DDX50: variants seen among roughly 807,000 people sequenced by gnomAD.
DDX50 encodes the protein ATP-dependent RNA helicase DDX50.
DDX50 carries 56 observed loss-of-function variants against 94.8 expected under a neutral mutation model. The ratio of observed to expected loss-of-function variants is 0.59; its 90% CI spans 0.48 to 0.74. The LOEUF (loss-of-function observed/expected upper bound fraction) is 0.74. Among genes scored for constraint, DDX50 ranks in the 30% least tolerant of loss-of-function variants. The pLI, the probability that DDX50 is intolerant of heterozygous loss-of-function variation, is 0.00. For synonymous variants in DDX50, 264 were observed against 295.4 expected, an observed-to-expected ratio of 0.89 and a Z score of 1.09; for missense variants, 713 against 881.2, an observed-to-expected ratio of 0.81 and a Z score of 2.42.
At chr10:68,945,505 C>T (rs987831993) in intron 14 of DDX50, among the ~76,000 whole-genome samples, 2 of 152,052 alleles carry the variant, frequency 1.3e-5, no homozygotes, top group Non-Finnish European at 2.9e-5. Flanking sequence ...TGGAGTTTTA[C>T]CACGTTGGCC....
chr10:68,937,584 GTTT>G (rs11429851), intron 12 of DDX50, among the ~76,000 whole-genome samples: 1 of 120,808 alleles, frequency 8.3e-6, no homozygotes. Flanking sequence ...AACTTTATAA[GTTT>G]TTTTTTTTTT....
intron 8 of DDX50, among the ~76,000 whole-genome samples, chr10:68,933,276 G>T (rs551487040): frequency 1.3e-5 from 2 of 152,024 alleles, no homozygotes; most frequent in East Asian, 3.9e-4. Flanking sequence ...CACCATGTTG[G>T]CCAGGCTGGT....
intron 13 of DDX50, among the ~76,000 whole-genome samples, chr10:68,942,621 C>CT (rs11400853): frequency 0.18 from 27,031 of 148,734 alleles, 2,996 homozygotes; most frequent in East Asian, 0.53. Flanking sequence ...CAGCTTTTTT[C>CT]TTTTTTTTTT....
chr10:68,937,092 T>G lies in DDX50; in HGVS notation c.1752T>G (p.Asp584Glu), dbSNP rs763885672. The stretch of plus-strand genomic sequence containing the variant: ...AACCACGATCTTTGATCACCTCTGA[T>G]AAGGTAGAAATCTGTGAGAAAATTG... ...SFEPRSLITSDKGFVTMTLES... is the reference protein window; with the variant it reads ...SFEPRSLITSEKGFVTMTLES... The change falls in exon 12 of 15, where the codon GAT (aspartate) becomes GAG (glutamate). Residue 584 changes from aspartate to glutamate, a missense_variant. Around this residue, in one of 2 missense-constraint regions of DDX50, gnomAD observed 428 missense variants for 602.3 expected, o/e 0.71. Coordinates refer to ENST00000373585, the MANE Select transcript of DDX50 (RefSeq NM_024045.2). 3.1e-6 allele frequency: 5 copies of G among 1,602,992 alleles called. No individual in the cohort carries two copies. The highest frequency in any genetic ancestry group is 4.3e-6 in the Non-Finnish European group (5 of 1,173,230).
intron 2 of DDX50, 54 bp downstream of exon 2, chr10:68,907,061 T>A (rs531833549): frequency 6.6e-7 from 1 of 1,511,336 alleles, no homozygotes. Context: ...ATAGGTTGAT[T>A]TGAATTTTTT....
At chr10:68,914,267 T>C in intron 7 of DDX50, 63 bp downstream of exon 7, 1 of 1,584,470 alleles carries the variant, frequency 6.3e-7, no homozygotes, top group East Asian at 2.3e-5. Flanking sequence ...TGACATTTGT[T>C]GAAGCTAAAT....
intron 1 of DDX50, among the ~76,000 whole-genome samples, chr10:68,904,171 C>T (rs10998480): frequency 0.011 from 1,711 of 151,740 alleles, 43 homozygotes; most frequent in African/African-American, 0.039. Flanking sequence ...ATTAGCCAGC[C>T]GTTGTAGCTC....
At chr10:68,933,225 C>T (rs1323158574) in intron 8 of DDX50, among the ~76,000 whole-genome samples, 1 of 152,060 alleles carries the variant, frequency 6.6e-6, no homozygotes, top group African/African-American at 2.4e-5. Flanking sequence ...CCTGTCACTG[C>T]GCCTAGCTAA....
chr10:68,914,295 C>T, intron 7 of DDX50, 91 bp downstream of exon 7: 1 of 1,381,942 alleles, frequency 7.2e-7, no homozygotes, highest in Non-Finnish European at 1.0e-6. Flanking sequence ...TTGGGTACCT[C>T]TTCATGCCTA....
At chr10:68,916,353 C>CA (rs11420993) in intron 7 of DDX50, among the ~76,000 whole-genome samples, 90,548 of 123,388 alleles carry the variant, frequency 0.73, 33,250 homozygotes, top group East Asian at 0.89. Flanking sequence ...GACTCTGTCT[C>CA]AAAAAAAAAA....
intron 4 of DDX50, among the ~76,000 whole-genome samples, chr10:68,912,890 G>GGT (rs1299874002): frequency 6.6e-6 from 1 of 152,120 alleles, no homozygotes; most frequent in Admixed American, 6.6e-5. Flanking sequence ...CAGTATCTTA[G>GGT]GTGGTTTAAG....
rs1278460186 is a variant in DDX50, at chr10:68,946,676, T to C, written c.*46T>C. 77 of 1,580,348 alleles carry C rather than the reference T, an allele frequency of 4.9e-5. No individual in the cohort carries two copies. Among genetic ancestry groups the C allele is most frequent in the Non-Finnish European group, 6.5e-5 (76 of 1,161,076 alleles). Reference sequence around the variant, plus strand: ...CAGTGTGAGCTTGCCTATTTCTGCCTAATCATGTACATTATCCACCAAAAA... The same window carrying C: ...CAGTGTGAGCTTGCCTATTTCTGCCCAATCATGTACATTATCCACCAAAAA... On this transcript the variant is annotated 3_prime_UTR_variant, in exon 15 of 15. Transcript: ENST00000373585.
Position 68,924,153 on chromosome 10 carries a change from G to A in DDX50, c.1239+4172G>A, listed in dbSNP as rs1842015696. ...CGCCCAGCTAATTTTTGTATTTTTT[G>A]TAGAGATGGGGTTTCACCATGTTGG... On this transcript the variant is annotated intron_variant, in intron 8 of 14. Transcript: ENST00000373585. Among the ~76,000 whole-genome samples the A allele has an allele frequency of 4.0e-5, 6 of 151,340 alleles. No individual in the cohort carries two copies. The South Asian group carries it at 1.3e-3, about 32-fold the overall frequency.
At chr10:68,910,188 A>G (rs1006483430) in intron 2 of DDX50, 119 bp from the exon 3 acceptor site, 3 of 450,280 alleles carry the variant, frequency 6.7e-6, no homozygotes, top group Non-Finnish European at 1.0e-5. Context: ...CCCTGTTTCA[A>G]AAAAAAAAAA....
At chr10:68,940,623 G>A (rs954235173) in intron 12 of DDX50, among the ~76,000 whole-genome samples, 10 of 151,636 alleles carry the variant, frequency 6.6e-5, no homozygotes, top group Non-Finnish European at 1.3e-4. Flanking sequence ...TCACCATGTT[G>A]CCCAGGCTGG....
chr10:68,913,325 CATATT>C, intron 5 of DDX50, 46 bp downstream of exon 5: 1 of 1,601,862 alleles, frequency 6.2e-7, no homozygotes, highest in African/African-American at 1.3e-5. Flanking sequence ...ATTTGATACT[CATATT>C]TAAATAAATA....
chr10:68,901,358 C>G lies in DDX50; in HGVS notation c.-27C>G. ...CCCGTAGGTGGTTGTGGCCACTGTG[C>G]CCGGAGGGAGGCGGCGGTGGCCAGT... On this transcript the variant is annotated 5_prime_UTR_variant, in exon 1 of 15. Transcript: ENST00000373585. 1 of 1,526,430 alleles carries G rather than the reference C, an allele frequency of 6.6e-7. No homozygotes were observed. Among genetic ancestry groups the G allele is most frequent in the Non-Finnish European group, 8.8e-7 (1 of 1,134,194 alleles). 94.6% of individuals were successfully genotyped at this position (1,526,430 alleles called of 1,614,324 possible). A position where few individuals can be genotyped will look rare whatever the true frequency, so the allele number is the denominator to read the frequency against.
At chr10:68,943,521 CA>C (rs1394272590) in intron 14 of DDX50, among the ~76,000 whole-genome samples, 2 of 152,178 alleles carry the variant, frequency 1.3e-5, no homozygotes, top group African/African-American at 4.8e-5. Flanking sequence ...CTCAGACTCC[CA>C]AGTAGCTAGA....
intron 8 of DDX50, among the ~76,000 whole-genome samples, chr10:68,923,216 A>AT (rs1487700947): frequency 3.2e-3 from 69 of 21,622 alleles, no homozygotes; most frequent in African/African-American, 0.016. Context: ...TATAATATAT[A>AT]TTTTATTTTT....
Sources: allele counts gnomAD v4.1 joint callset (sites outside exome capture counted in the v4.1 genomes callset), GRCh38; gene constraint gnomAD v4.1.1; regional missense constraint gnomAD v4.1.1; transcripts MANE v1.5; gene names NCBI Gene and HGNC (gene_info 2026-07-23, HGNC 2026-07-21).